Variants in RNF111 observed in about 807,000 individuals in gnomAD.
RNF111 encodes ring finger protein 111, also known as E3 ubiquitin-protein ligase Arkadia.
In RNF111, 17 loss-of-function variants were observed where a neutral mutation model predicts 95.1. That is an observed-to-expected ratio of 0.18 (90% CI 0.12 to 0.27). The LOEUF is 0.27. Among genes scored for constraint, RNF111 ranks in the 10% least tolerant of loss-of-function variants. RNF111 has a pLI of 1.00. For synonymous variants in RNF111, 440 were observed against 414.8 expected, an observed-to-expected ratio of 1.06 and a Z score of -0.74; for missense variants, 1,189 against 1,210.4, an observed-to-expected ratio of 0.98 and a Z score of 0.26.
intron 13 of RNF111, chr15:59,093,512 T>C: frequency 2.7e-6 from 1 of 372,962 alleles, no homozygotes; most frequent in South Asian, 1.9e-5. Context: ...CACTCGGCTA[T>C]AGCATCTTTT....
At chr15:59,088,496 A>G (rs1326491469) in intron 10 of RNF111, among the ~76,000 whole-genome samples, 1 of 152,228 alleles carries the variant, frequency 6.6e-6, no homozygotes, top group Non-Finnish European at 1.5e-5. Flanking sequence ...TCTTTTCCAC[A>G]TATGAAGTGT....
intron 1 of RNF111, among the ~76,000 whole-genome samples, chr15:59,004,938 G>A (rs1693536): frequency 0.99 from 150,826 of 152,356 alleles, 74,675 homozygotes; most frequent in Middle Eastern, 1. Context: ...GTGAGACCCA[G>A]TGGAGAGCAG....
intron 1 of RNF111, among the ~76,000 whole-genome samples, chr15:59,022,956 G>A (rs2040416648): frequency 6.6e-6 from 1 of 152,008 alleles, no homozygotes; most frequent in African/African-American, 2.4e-5. Flanking sequence ...CTTTGAAAGT[G>A]AGGAAATTGG....
chr15:59,030,812 T>C lies in RNF111; in HGVS notation c.-11T>C. The C allele has an allele frequency of 6.4e-7, 1 of 1,560,128 alleles. No individual in the cohort carries two copies. The highest frequency in any genetic ancestry group is 8.7e-7 in the Non-Finnish European group (1 of 1,153,336). ...CTAATTTTGTCTTCTAGGCTTTCCTTAAAGTTTCCCATGTCTCAATGGACT... is the reference window on the plus strand; with the variant it reads ...CTAATTTTGTCTTCTAGGCTTTCCTCAAAGTTTCCCATGTCTCAATGGACT... On this transcript the variant is annotated 5_prime_UTR_variant, in exon 2 of 14. Transcript: ENST00000348370.
chr15:59,020,084 T>G (rs2040261128), intron 1 of RNF111, among the ~76,000 whole-genome samples: 1 of 149,094 alleles, frequency 6.7e-6, no homozygotes, highest in South Asian at 2.1e-4. Flanking sequence ...AATTTTATAT[T>G]TTGTGTTATA....
intron 2 of RNF111, among the ~76,000 whole-genome samples, chr15:59,051,572 T>C (rs184912069): frequency 1.4e-3 from 215 of 151,870 alleles, no homozygotes; most frequent in African/African-American, 4.5e-3. Flanking sequence ...GGTTAGAATT[T>C]CAAGACAAGC....
intron 10 of RNF111, among the ~76,000 whole-genome samples, chr15:59,088,329 T>C (rs1176990140): frequency 3.9e-5 from 6 of 152,188 alleles, no homozygotes; most frequent in African/African-American, 1.4e-4. Context: ...AGTGAAGATT[T>C]AGATAATTTG....
At chr15:59,053,505 C>T (rs1187873261) in intron 3 of RNF111, among the ~76,000 whole-genome samples, 1 of 152,222 alleles carries the variant, frequency 6.6e-6, no homozygotes, top group Non-Finnish European at 1.5e-5. Context: ...GTTACAAACA[C>T]TTAGAACATG....
intron 1 of RNF111, among the ~76,000 whole-genome samples, chr15:59,010,274 A>G (rs1282871509): frequency 6.6e-6 from 1 of 152,246 alleles, no homozygotes; most frequent in Admixed American, 6.5e-5. Context: ...ACATGTAAAT[A>G]TAAATAGTAT....
At chr15:59,064,332 G>A (rs1475875393) in intron 5 of RNF111, among the ~76,000 whole-genome samples, 29 of 152,038 alleles carry the variant, frequency 1.9e-4, no homozygotes, top group Admixed American at 5.2e-4. Context: ...TCAGGAGATC[G>A]AGACCATCCT....
At chr15:59,057,977 GGT>G (rs1420472942) in intron 4 of RNF111, among the ~76,000 whole-genome samples, 1 of 152,192 alleles carries the variant, frequency 6.6e-6, no homozygotes, top group Non-Finnish European at 1.5e-5. Context: ...CAGACAGTGT[GGT>G]TTGTAACACT....
At chr15:59,019,126 G>C (rs1311956599) in intron 1 of RNF111, among the ~76,000 whole-genome samples, 1 of 138,474 alleles carries the variant, frequency 7.2e-6, no homozygotes, top group South Asian at 2.2e-4. Flanking sequence ...TTTTTTTGTA[G>C]AGGTGAGGTT....
Position 59,076,086 on chromosome 15 carries a change from G to C in RNF111, c.1819G>C (p.Ala607Pro), listed in dbSNP as rs142678358. Residue 607 changes from alanine to proline, a missense_variant, in exon 7 of 14, where the codon GCT becomes CCT. Physicochemically the swap from Ala to Pro is conservative, Grantham distance 27. Transcript: ENST00000348370. Reference protein sequence around the residue: ...SRAAIFGHQAAAAAPSQPLSS... With the variant: ...SRAAIFGHQAPAAAPSQPLSS... ...AGCTGCAATCTTTGGCCATCAGGCC[G>C]CTGCTGCTGCCCCAAGTCAACCTTT... 2 of 1,614,032 alleles carry C rather than the reference G, an allele frequency of 1.2e-6. No individual in the cohort carries two copies. The highest frequency in any genetic ancestry group is 1.1e-5 in the South Asian group (1 of 91,092).
At chr15:59,014,358 A>G (rs1231362660) in intron 1 of RNF111, among the ~76,000 whole-genome samples, 1 of 152,232 alleles carries the variant, frequency 6.6e-6, no homozygotes, top group Non-Finnish European at 1.5e-5. Context: ...TCTGAGCACT[A>G]GGACTTAGTG....
chr15:59,011,421 A>G (rs550464662), intron 1 of RNF111, among the ~76,000 whole-genome samples: 2 of 152,266 alleles, frequency 1.3e-5, no homozygotes, highest in East Asian at 3.9e-4. Flanking sequence ...TAGCACATTT[A>G]AGGTACTCAG....
At chr15:59,029,542 G>T (rs1046001289) in intron 1 of RNF111, among the ~76,000 whole-genome samples, 62 of 152,276 alleles carry the variant, frequency 4.1e-4, no homozygotes, top group African/African-American at 1.5e-3. Context: ...ATTGTCATTT[G>T]TTCTGATAGT....
chr15:58,997,556 C>T (rs571582359), intron 1 of RNF111, among the ~76,000 whole-genome samples: 204 of 151,546 alleles, frequency 1.3e-3, no homozygotes, highest in Non-Finnish European at 1.6e-3. Flanking sequence ...TGGTGTCTCA[C>T]GCCTGTAATC....
Position 59,018,538 on chromosome 15 carries a change from T to A in RNF111, c.-19-12266T>A, listed in dbSNP as rs561648149. 5.3e-5 allele frequency among the ~76,000 whole-genome samples: 8 copies of A among 152,074 alleles called. No homozygotes were observed. The South Asian group carries it at 1.7e-3, about 32-fold the overall frequency. Reference sequence around the variant, plus strand: ...AATCTTTAATTTCAAAATTGGTAAATGGTTACTTTTTAGAAAAAAAACAAA... The same window carrying A: ...AATCTTTAATTTCAAAATTGGTAAAAGGTTACTTTTTAGAAAAAAAACAAA... On this transcript the variant is annotated intron_variant, in intron 1 of 13. Coordinates refer to ENST00000348370, the MANE Select transcript of RNF111 (RefSeq NM_017610.8).
chr15:59,064,113 G>C (rs2042553327), intron 5 of RNF111, among the ~76,000 whole-genome samples: 1 of 152,144 alleles, frequency 6.6e-6, no homozygotes, highest in Admixed American at 6.5e-5. Flanking sequence ...AAAGACTTTT[G>C]ATCATGGTCA....
Sources: gnomAD v4.1 joint callset for allele counts (sites outside exome capture counted in the v4.1 genomes callset) on GRCh38, gnomAD v4.1.1 for gene constraint, MANE v1.5 for transcripts, NCBI Gene and HGNC (gene_info 2026-07-23, HGNC 2026-07-21) for gene names.